The following LYPD6B variants were observed in gnomAD, a reference collection of about 807,000 sequenced individuals.
The protein encoded by LYPD6B is ly6/PLAUR domain-containing protein 6B.
Under a neutral mutation model 22.8 loss-of-function variants are expected in LYPD6B, and 17 were observed. The observed-to-expected ratio is 0.75, with a 90% CI of 0.51 to 1.12. LYPD6B has a LOEUF of 1.12. Among genes scored for constraint, LYPD6B ranks in the 50% most tolerant of loss-of-function variants. LYPD6B has a pLI of 0.00. For synonymous variants in LYPD6B, 106 were observed against 91.6 expected (o/e 1.16, Z -0.90); for missense variants, 221 against 258.3 (o/e 0.86, Z 0.99).
At chr2:149,209,317 A>G (rs1401397630) in intron 5 of LYPD6B, among the ~76,000 whole-genome samples, 1 of 152,120 alleles carries the variant, frequency 6.6e-6, no homozygotes, top group Non-Finnish European at 1.5e-5. Flanking sequence ...TCATCTTCAG[A>G]CAGAAGATGA....
At chr2:149,042,591 A>G (rs1055811314) in intron 1 of LYPD6B, among the ~76,000 whole-genome samples, 4 of 152,220 alleles carry the variant, frequency 2.6e-5, no homozygotes, top group African/African-American at 9.6e-5. Context: ...CATTTATTTC[A>G]CAAATATTTA....
chr2:149,051,331 AT>A (rs1489622281), intron 1 of LYPD6B, among the ~76,000 whole-genome samples: 4 of 151,614 alleles, frequency 2.6e-5, no homozygotes, highest in Admixed American at 6.6e-5. Flanking sequence ...CGCCCGGCTA[AT>A]TTTTTCTATT....
chr2:149,057,124 C>CTACAT (rs2105307051), intron 1 of LYPD6B, among the ~76,000 whole-genome samples: 1 of 152,188 alleles, frequency 6.6e-6, no homozygotes, highest in African/African-American at 2.4e-5. Flanking sequence ...TTTGATAAGT[C>CTACAT]AATTCAGACT....
intron 3 of LYPD6B, among the ~76,000 whole-genome samples, chr2:149,162,541 C>T (rs1690144952): frequency 6.6e-6 from 1 of 152,140 alleles, no homozygotes; most frequent in South Asian, 2.1e-4. Flanking sequence ...TGACCACCAC[C>T]TACTGTTGAC....
chr2:149,045,649 C>T (rs989234796), intron 1 of LYPD6B, among the ~76,000 whole-genome samples: 5 of 151,874 alleles, frequency 3.3e-5, no homozygotes, highest in African/African-American at 9.7e-5. Context: ...CTTATTGACC[C>T]GTATGTTATT....
At chr2:149,083,285 G>T (rs377583004) in intron 1 of LYPD6B, among the ~76,000 whole-genome samples, 1 of 152,108 alleles carries the variant, frequency 6.6e-6, no homozygotes. Context: ...GAGATGCATC[G>T]CCTGAGGACA....
chr2:149,192,799 G>A lies in LYPD6B; in HGVS notation c.78-12454G>A, dbSNP rs895677558. 8.5e-5 allele frequency among the ~76,000 whole-genome samples: 13 copies of A among 152,176 alleles called. No homozygotes were observed. In the East Asian group the frequency reaches 2.3e-3, roughly 27 times the overall value. ...CACTGCCCAAATGCAGACACTAAAG[G>A]GTAAATGCAAATTGATCTGCCTCAG... On this transcript the variant is annotated intron_variant, in intron 3 of 6. Transcript: ENST00000409642.
chr2:149,133,953 G>A (rs887231555), intron 2 of LYPD6B, among the ~76,000 whole-genome samples: 1 of 152,140 alleles, frequency 6.6e-6, no homozygotes, highest in Non-Finnish European at 1.5e-5. Context: ...AGACCAACAA[G>A]CAATATATTT....
rs79398696 is a variant in LYPD6B at position 149,199,536 on chromosome 2, G to A, written c.78-5717G>A. On this transcript the variant is annotated intron_variant, in intron 3 of 6. Transcript: ENST00000409642. ...GTTTGGACAAGCTATAGTGAAGGCT[G>A]AGGCTGAATCATGATTTTATTTTTT... is the stretch of plus-strand genomic sequence containing the variant. 7.8e-3 allele frequency among the ~76,000 whole-genome samples: 1,194 copies of A among 152,284 alleles called. 15 individuals carry two copies. The highest frequency in any genetic ancestry group is 0.028 in the African/African-American group (1,152 of 41,544).
intron 1 of LYPD6B, among the ~76,000 whole-genome samples, chr2:149,093,361 A>C (rs1470730367): frequency 6.6e-6 from 1 of 152,162 alleles, no homozygotes; most frequent in Non-Finnish European, 1.5e-5. Flanking sequence ...CAGGGCAGGA[A>C]TAGGCCCTGG....
intron 3 of LYPD6B, among the ~76,000 whole-genome samples, chr2:149,172,852 GC>G (rs1202673216): frequency 6.6e-6 from 1 of 151,932 alleles, no homozygotes; most frequent in Non-Finnish European, 1.5e-5. Flanking sequence ...TGGTTCTCAG[GC>G]CTTCAGACTC....
At chr2:149,069,649 T>TA (rs77748413) in intron 1 of LYPD6B, among the ~76,000 whole-genome samples, 25,876 of 151,804 alleles carry the variant, frequency 0.17, 2,378 homozygotes, top group Middle Eastern at 0.38. Context: ...ATTGCCACAT[T>TA]AAAAAAAAGT....
At chr2:149,107,172 C>A (rs1261004818) in intron 1 of LYPD6B, among the ~76,000 whole-genome samples, 1 of 151,978 alleles carries the variant, frequency 6.6e-6, no homozygotes, top group African/African-American at 2.4e-5. Context: ...CACCCTTTTT[C>A]TTCTTGTGAT....
chr2:149,190,296 CTG>C (rs762806658), intron 3 of LYPD6B, among the ~76,000 whole-genome samples: 2 of 151,994 alleles, frequency 1.3e-5, no homozygotes, highest in Non-Finnish European at 2.9e-5. Context: ...GTGTGTGTCT[CTG>C]TGTGTGTGCA....
chr2:149,191,394 A>C (rs1196023727), intron 3 of LYPD6B, among the ~76,000 whole-genome samples: 1 of 152,156 alleles, frequency 6.6e-6, no homozygotes, highest in East Asian at 1.9e-4. Context: ...TATGTATCCA[A>C]CCATATTTTT....
chr2:149,186,998 A>C (rs552512783), intron 3 of LYPD6B, among the ~76,000 whole-genome samples: 1 of 152,254 alleles, frequency 6.6e-6, no homozygotes. Flanking sequence ...AGGACCCTCC[A>C]CCAGCAAAAA....
At chr2:149,186,250 T>C (rs917508313) in intron 3 of LYPD6B, among the ~76,000 whole-genome samples, 8 of 152,210 alleles carry the variant, frequency 5.3e-5, no homozygotes, top group Non-Finnish European at 1.2e-4. Flanking sequence ...GCTACTCCAG[T>C]GAACTCATGA....
At chr2:149,214,351 T>C (rs1694060562) in intron 6 of LYPD6B, among the ~76,000 whole-genome samples, 195 bp from the exon 7 acceptor site, 1 of 152,132 alleles carries the variant, frequency 6.6e-6, no homozygotes. Context: ...ACTTTCAGCA[T>C]GGTTTTTCCC....
At chr2:149,051,196 C>T (rs1312590614) in intron 1 of LYPD6B, among the ~76,000 whole-genome samples, 7 of 151,728 alleles carry the variant, frequency 4.6e-5, no homozygotes, top group Non-Finnish European at 1.0e-4. Context: ...GATGGAGTCT[C>T]GCTCTGTTGC....
Sources: allele counts gnomAD v4.1 joint callset (sites outside exome capture counted in the v4.1 genomes callset), GRCh38; gene constraint gnomAD v4.1.1; transcripts MANE v1.5; gene names NCBI Gene and HGNC (gene_info 2026-07-23, HGNC 2026-07-21).